POTEI: variants seen among roughly 807,000 people sequenced by gnomAD.
POTEI encodes POTE ankyrin domain family member I.
In POTEI, 14 loss-of-function variants were observed where a neutral mutation model predicts 43.4. That is an observed-to-expected ratio of 0.32 (90% CI 0.21 to 0.50). POTEI has a LOEUF of 0.50. POTEI is among the 20% of genes least tolerant of loss of function. POTEI has a pLI of 0.98. For missense variants in POTEI, 235 were observed against 795.4 expected (o/e 0.30, Z 8.47); for synonymous variants, 95 against 297.9 (o/e 0.32, Z 7.01).
At chr2:130,474,174 C>T (rs1252175744) in intron 13 of POTEI, among the ~76,000 whole-genome samples, 13 of 151,276 alleles carry the variant, frequency 8.6e-5, no homozygotes, top group Non-Finnish European at 1.5e-4. Context: ...CTCACATTTG[C>T]CAATACTGGT....
intron 6 of POTEI, among the ~76,000 whole-genome samples, chr2:130,494,981 T>G (rs1558892151): frequency 1.1e-5 from 1 of 95,010 alleles, no homozygotes; most frequent in Non-Finnish European, 2.5e-5. Context: ...AACCCTGCCA[T>G]GTTCACTCAA....
rs1246666506 is a variant in POTEI, at chr2:130,504,796, C to T, written c.522-902G>A. Among the ~76,000 whole-genome samples the T allele has an allele frequency of 2.7e-5, 4 of 146,214 alleles. No homozygotes were observed. In the Admixed American group the frequency reaches 2.7e-4, roughly 10 times the overall value. On this transcript the variant is annotated intron_variant, in intron 1 of 14. Coordinates refer to ENST00000451531, the MANE Select transcript of POTEI (RefSeq NM_001277406.2). Reference sequence around the variant, plus strand: ...TAGCATGGGCTCATTTTTGTCAACACTTAGATTTATACAATGTATGTACAT... The same window carrying T: ...TAGCATGGGCTCATTTTTGTCAACATTTAGATTTATACAATGTATGTACAT...
chr2:130,463,653 G>C lies in POTEI; in HGVS notation c.2391C>G (p.Ala797=). Residue 797 remains alanine, a synonymous_variant, in exon 15 of 15, where the codon GCC becomes GCG. Transcript: ENST00000451531. ...HHTFYNELRV[A]PEEHPILLTE... is the part of the protein sequence containing the mutation. Reference sequence around the variant, plus strand: ...TCAGCAGGATGGGGTGCTCCTCAGGGGCCACACGCAGCTCGTTGTAGAAGG... The same window carrying C: ...TCAGCAGGATGGGGTGCTCCTCAGGCGCCACACGCAGCTCGTTGTAGAAGG... 1.9e-6 allele frequency: 3 copies of C among 1,607,736 alleles called. No homozygotes were observed. The highest frequency in any genetic ancestry group is 2.5e-6 in the Non-Finnish European group (3 of 1,179,542).
At position 130,507,362 on chromosome 2, in the gene POTEI, A is replaced by G. The variant is rs1170832993; in HGVS notation, c.521+1353T>C. ...CATATATATGTATATATATACACAC[A>G]CATATATATGTATATATACATATGT... On this transcript the variant is annotated intron_variant, in intron 1 of 14. Coordinates refer to ENST00000451531, the MANE Select transcript of POTEI (RefSeq NM_001277406.2). Among the ~76,000 whole-genome samples the G allele has an allele frequency of 1.3e-4, 7 of 53,462 alleles. 1 individual carries two copies. In the Admixed American group the frequency reaches 2.0e-3, roughly 15 times the overall value. The allele number at this position is 53,462 out of a possible 152,430, so 35.1% of individuals were successfully genotyped here. A position where few individuals can be genotyped will look rare whatever the true frequency, so the allele number is the denominator to read the frequency against.
At position 130,483,843 on chromosome 2, in the gene POTEI, A is replaced by C. The variant is rs1228181427; in HGVS notation, c.1410-1770T>G. 4.0e-5 allele frequency among the ~76,000 whole-genome samples: 6 copies of C among 150,728 alleles called. No individual in the cohort carries two copies. In the East Asian group the frequency reaches 1.2e-3, roughly 30 times the overall value. On this transcript the variant is annotated intron_variant, in intron 9 of 14. Coordinates refer to ENST00000451531, the MANE Select transcript of POTEI (RefSeq NM_001277406.2). ...TGATCCGCCTGCCTCGGCCTCCCAA[A>C]GTGCTGTGATTACAGGTGTGAGCCA...
intron 13 of POTEI, among the ~76,000 whole-genome samples, chr2:130,469,109 C>A: frequency 1.0e-5 from 1 of 96,764 alleles, no homozygotes; most frequent in Non-Finnish European, 2.1e-5. Flanking sequence ...ATAAATTATA[C>A]AGAGAACTCT....
intron 11 of POTEI, among the ~76,000 whole-genome samples, 157 bp from the exon 12 acceptor site, chr2:130,475,108 ATAAT>A (rs889917778): frequency 2.2e-5 from 3 of 139,460 alleles, no homozygotes; most frequent in African/African-American, 5.9e-5. Context: ...TAAATAAATA[ATAAT>A]TAAAATTAAG....
In POTEI at chr2:130,484,274, G is replaced by A. The variant is rs1468923682; in HGVS notation, c.1410-2201C>T. ...AAGAAACGATGACATAAGGTTAACA[G>A]CGCTGATGTCAAGATACAAATAGGT... is the stretch of plus-strand genomic sequence containing the variant. On this transcript the variant is annotated intron_variant, in intron 9 of 14. Transcript: ENST00000451531. 3.3e-5 allele frequency among the ~76,000 whole-genome samples: 5 copies of A among 149,402 alleles called. 1 individual carries two copies. Among genetic ancestry groups the A allele is most frequent in the African/African-American group, 1.2e-4 (5 of 40,006 alleles).
intron 1 of POTEI, among the ~76,000 whole-genome samples, chr2:130,507,416 GTATATA>G (rs55898075): frequency 0.94 from 88,174 of 93,580 alleles, 41,732 homozygotes; most frequent in Non-Finnish European, 1. Flanking sequence ...GTATATATAT[GTATATA>G]TATATATATC....
chr2:130,477,049 A>G (rs1227732031), intron 10 of POTEI, among the ~76,000 whole-genome samples: 1 of 149,672 alleles, frequency 6.7e-6, no homozygotes, highest in African/African-American at 2.5e-5. Context: ...TACCTTATAA[A>G]TGATTTCCAA....
At chr2:130,483,432 T>C (rs1283891544) in intron 9 of POTEI, among the ~76,000 whole-genome samples, 1 of 140,510 alleles carries the variant, frequency 7.1e-6, no homozygotes, top group Non-Finnish European at 1.5e-5. Flanking sequence ...ATAATTACAA[T>C]TATGATTACT....
intron 14 of POTEI, among the ~76,000 whole-genome samples, chr2:130,464,528 G>A (rs1223422885): frequency 2.7e-4 from 40 of 145,522 alleles, no homozygotes; most frequent in African/African-American, 1.0e-3. Context: ...ACATTTTTAA[G>A]ATTAGGTTTA....
At chr2:130,505,031 C>A (rs1248503098) in intron 1 of POTEI, among the ~76,000 whole-genome samples, 3 of 145,296 alleles carry the variant, frequency 2.1e-5, no homozygotes, top group Non-Finnish European at 4.5e-5. Context: ...AAGCCCAGTA[C>A]CTGTTCATTC....
chr2:130,474,101 A>G (rs1353553991), intron 13 of POTEI, among the ~76,000 whole-genome samples: 1 of 148,252 alleles, frequency 6.7e-6, no homozygotes, highest in Non-Finnish European at 1.5e-5. Context: ...TATATAATAA[A>G]CCTGCACACG....
chr2:130,483,796 T>C (rs1004303458), intron 9 of POTEI, among the ~76,000 whole-genome samples: 2 of 149,982 alleles, frequency 1.3e-5, no homozygotes, highest in Non-Finnish European at 2.9e-5. Context: ...GGGGTTTCAC[T>C]GGTCTCGATC....
At position 130,461,550 on chromosome 2, in the gene POTEI, A is replaced by T. The variant is rs1419707334; in HGVS notation, c.*1266T>A. The T allele has an allele frequency of 6.6e-6, 1 of 152,220 alleles. No individual in the cohort carries two copies. Among genetic ancestry groups the T allele is most frequent in the African/African-American group, 2.4e-5 (1 of 41,440 alleles). The allele number at this position is 152,220 out of a possible 1,614,324, so 9.4% of individuals were successfully genotyped here. On this transcript the variant is annotated 3_prime_UTR_variant, in exon 15 of 15. Coordinates refer to ENST00000451531, the MANE Select transcript of POTEI (RefSeq NM_001277406.2). Reference sequence around the variant, plus strand: ...GGGCTCTCCAAAGCCCGCAGGCCAGAATGGCTAGTCACCGAAAGAGCAAAG... The same window carrying T: ...GGGCTCTCCAAAGCCCGCAGGCCAGTATGGCTAGTCACCGAAAGAGCAAAG...
At chr2:130,492,901 C>G (rs1215674004) in intron 6 of POTEI, among the ~76,000 whole-genome samples, 1 of 151,664 alleles carries the variant, frequency 6.6e-6, no homozygotes, top group East Asian at 1.9e-4. Flanking sequence ...AGATTTCTAT[C>G]TAGTCTTCCT....
chr2:130,482,644 G>A (rs1195258611), intron 9 of POTEI, among the ~76,000 whole-genome samples: 3 of 150,102 alleles, frequency 2.0e-5, no homozygotes, highest in African/African-American at 5.0e-5. Context: ...ACGTTATTAA[G>A]TCCTAATTTT....
chr2:130,477,392 C>T (rs535930269), intron 10 of POTEI, among the ~76,000 whole-genome samples: 5 of 148,818 alleles, frequency 3.4e-5, no homozygotes, highest in African/African-American at 1.3e-4. Context: ...CCTCGTGATC[C>T]CCTCTGAAAG....
Sources: gnomAD v4.1 joint callset for allele counts (sites outside exome capture counted in the v4.1 genomes callset) on GRCh38, gnomAD v4.1.1 for gene constraint, MANE v1.5 for transcripts, NCBI Gene and HGNC (gene_info 2026-07-23, HGNC 2026-07-21) for gene names.